CACNG4: variants seen among roughly 807,000 people sequenced by gnomAD.
CACNG4 encodes voltage-dependent calcium channel gamma-4 subunit.
Under a neutral mutation model 22.9 loss-of-function variants are expected in CACNG4, and 8 were observed. That is an observed-to-expected ratio of 0.35 (90% CI 0.21 to 0.63). The LOEUF is 0.63. Among genes scored for constraint, CACNG4 ranks in the 30% least tolerant of loss-of-function variants. The pLI, the probability that CACNG4 is intolerant of heterozygous loss-of-function variation, is 0.72. For synonymous variants in CACNG4, 188 were observed against 191.9 expected, an observed-to-expected ratio of 0.98 and a Z score of 0.17; for missense variants, 357 against 455.4, an observed-to-expected ratio of 0.78 and a Z score of 1.97.
Position 67,030,602 on chromosome 17 carries a change from G to A in CACNG4, c.582G>A (p.Val194=), listed in dbSNP as rs1431438207. The change falls in exon 4 of 4, where the codon GTG becomes GTA. Residue 194 remains valine, a synonymous_variant. Transcript: ENST00000262138. The surrounding 1 kb of genome is among the most constrained non-coding windows in gnomAD (Gnocchi z 6.4). The part of the protein sequence containing the change: ...SFYFGALSFI[V]AETVGVLAVN... ...ACTTTGGAGCTCTGTCTTTCATTGT[G>A]GCTGAGACCGTGGGCGTCCTGGCTG... 1 of 1,614,094 alleles carries A rather than the reference G, an allele frequency of 6.2e-7. No homozygotes were observed. Among genetic ancestry groups the A allele is most frequent in the Non-Finnish European group, 8.5e-7 (1 of 1,180,050 alleles).
intron 1 of CACNG4, among the ~76,000 whole-genome samples, chr17:66,988,583 G>A (rs9892554): frequency 0.051 from 7,768 of 151,596 alleles, 657 homozygotes; most frequent in African/African-American, 0.18. Flanking sequence ...TAATGCATCC[G>A]GCCCTTGGAT....
chr17:66,981,496 C>A (rs1296868312), intron 1 of CACNG4, among the ~76,000 whole-genome samples: 1 of 152,212 alleles, frequency 6.6e-6, no homozygotes, highest in African/African-American at 2.4e-5. Flanking sequence ...TGTTTTGAAA[C>A]CTAGTTGCTT....
At chr17:66,991,337 C>CA (rs113874912) in intron 1 of CACNG4, among the ~76,000 whole-genome samples, 13,053 of 150,410 alleles carry the variant, frequency 0.087, 732 homozygotes, top group East Asian at 0.19. Flanking sequence ...AACAAACAAA[C>CA]AAAAAAAAAC....
At chr17:66,973,270 A>T (rs1041966676) in intron 1 of CACNG4, among the ~76,000 whole-genome samples, 1 of 151,590 alleles carries the variant, frequency 6.6e-6, no homozygotes, top group Non-Finnish European at 1.5e-5. Flanking sequence ...CACATGTAAC[A>T]TAAGTGGGGG....
At chr17:67,006,618 ATTC>A (rs1224997109) in intron 1 of CACNG4, among the ~76,000 whole-genome samples, 2 of 152,072 alleles carry the variant, frequency 1.3e-5, no homozygotes, top group Non-Finnish European at 2.9e-5. Flanking sequence ...CTTGTCCCTT[ATTC>A]TTTGAAATTC....
intron 1 of CACNG4, among the ~76,000 whole-genome samples, chr17:67,017,176 A>G (rs2035503541): frequency 6.6e-6 from 1 of 152,104 alleles, no homozygotes; most frequent in Non-Finnish European, 1.5e-5. Context: ...TCCCAGGCTC[A>G]AGTGATCCTC....
At chr17:67,022,045 C>A (rs1185061906) in intron 2 of CACNG4, among the ~76,000 whole-genome samples, 1 of 149,960 alleles carries the variant, frequency 6.7e-6, no homozygotes, top group Admixed American at 6.6e-5. Context: ...TGAGCCAAGC[C>A]TGGGCATCCA....
intron 1 of CACNG4, among the ~76,000 whole-genome samples, chr17:66,969,939 G>T (rs1004060415): frequency 6.6e-6 from 1 of 152,102 alleles, no homozygotes; most frequent in African/African-American, 2.4e-5. Flanking sequence ...GTCCAGTCAG[G>T]CCCAGGTGAG....
intron 1 of CACNG4, among the ~76,000 whole-genome samples, chr17:66,988,857 A>C (rs770532618): frequency 6.6e-6 from 1 of 152,138 alleles, no homozygotes; most frequent in African/African-American, 2.4e-5. Context: ...CCAGGAATTC[A>C]AGACCAGCCT....
chr17:67,002,049 T>A (rs978538589), intron 1 of CACNG4, among the ~76,000 whole-genome samples: 1 of 151,872 alleles, frequency 6.6e-6, no homozygotes, highest in Non-Finnish European at 1.5e-5. Flanking sequence ...TATGGGAGTG[T>A]ATTCATCCAT....
chr17:66,987,906 G>T (rs144368980), intron 1 of CACNG4, among the ~76,000 whole-genome samples: 5 of 151,980 alleles, frequency 3.3e-5, no homozygotes, highest in Non-Finnish European at 7.4e-5. Context: ...TCTGTGTGCC[G>T]GTTCATGCAC....
At chr17:66,995,868 A>G (rs755525472) in intron 1 of CACNG4, among the ~76,000 whole-genome samples, 2 of 151,880 alleles carry the variant, frequency 1.3e-5, no homozygotes, top group Non-Finnish European at 2.9e-5. Context: ...AATGGGATCT[A>G]TAGAGACCTC....
chr17:67,002,869 C>A (rs73339154), intron 1 of CACNG4, among the ~76,000 whole-genome samples: 4,525 of 152,268 alleles, frequency 0.03, 222 homozygotes, highest in African/African-American at 0.1. Flanking sequence ...TTAGCACATG[C>A]TTTGCAGGGA....
intron 1 of CACNG4, among the ~76,000 whole-genome samples, chr17:67,000,987 C>A (rs1567755097): frequency 6.6e-6 from 1 of 151,996 alleles, no homozygotes; most frequent in South Asian, 2.1e-4. Context: ...ACCCAAATCT[C>A]ATCTTGAATT....
chr17:66,993,031 C>T (rs2035350892), intron 1 of CACNG4, among the ~76,000 whole-genome samples: 1 of 152,240 alleles, frequency 6.6e-6, no homozygotes. Flanking sequence ...CAGCAGCTGG[C>T]CCGGCTCATC....
At chr17:67,018,954 C>G (rs2035516289) in intron 2 of CACNG4, among the ~76,000 whole-genome samples, 1 of 152,096 alleles carries the variant, frequency 6.6e-6, no homozygotes, top group African/African-American at 2.4e-5. Flanking sequence ...ACAAACCCAG[C>G]CCCCACACTA....
chr17:67,006,507 G>T (rs575755102), intron 1 of CACNG4, among the ~76,000 whole-genome samples: 2 of 152,258 alleles, frequency 1.3e-5, no homozygotes, highest in African/African-American at 2.4e-5. Context: ...TGCCAAACAT[G>T]CCTCTGGGCT....
intron 2 of CACNG4, among the ~76,000 whole-genome samples, chr17:67,024,167 C>T (rs996247587): frequency 4.6e-5 from 7 of 152,160 alleles, no homozygotes; most frequent in Non-Finnish European, 1.0e-4. Context: ...GACTTCAGGC[C>T]GGTTTTGAGG....
intron 1 of CACNG4, among the ~76,000 whole-genome samples, chr17:67,012,944 G>T (rs978919417): frequency 9.2e-5 from 14 of 152,186 alleles, no homozygotes; most frequent in Admixed American, 7.2e-4. Context: ...AATGACAAAG[G>T]ATTATATGAA....
Sources: allele counts gnomAD v4.1 joint callset (sites outside exome capture counted in the v4.1 genomes callset), GRCh38; gene constraint gnomAD v4.1.1; non-coding constraint Gnocchi (gnomAD v3.1); transcripts MANE v1.5; gene names NCBI Gene and HGNC (gene_info 2026-07-23, HGNC 2026-07-21).